Variants in COLEC10 observed in about 807,000 individuals in gnomAD.
COLEC10 encodes collectin subfamily member 10.
COLEC10 carries 22 observed loss-of-function variants against 28.4 expected under a neutral mutation model. The observed-to-expected ratio is 0.78, with a 90% CI of 0.55 to 1.11. The LOEUF (loss-of-function observed/expected upper bound fraction) is 1.11, where lower values mean the gene tolerates loss of function less well. COLEC10 is among the 50% of genes least tolerant of loss of function. The pLI is 0.00. For synonymous variants in COLEC10, 125 were observed against 116.1 expected (o/e 1.08, Z -0.49); for missense variants, 361 against 344.1 (o/e 1.05, Z -0.39).
At chr8:119,057,535 ACTAAT>A (rs1814786002) in intron 2 of COLEC10, among the ~76,000 whole-genome samples, 1 of 152,014 alleles carries the variant, frequency 6.6e-6, no homozygotes, top group Non-Finnish European at 1.5e-5. Context: ...TATTTTCCAC[ACTAAT>A]GACAACTACT....
chr8:118,971,375 T>A, the COLEC10 span, among the ~76,000 whole-genome samples: 2,558 of 152,050 alleles, frequency 0.017, 66 homozygotes, highest in African/African-American at 0.059. Context: ...AGTAACCATA[T>A]CATCTTAGTT....
At chr8:118,969,000 T>C in the COLEC10 span, among the ~76,000 whole-genome samples, 1 of 152,062 alleles carries the variant, frequency 6.6e-6, no homozygotes, top group African/African-American at 2.4e-5. Context: ...AGGTTTCACA[T>C]AATTGATTAC....
intron 2 of COLEC10, among the ~76,000 whole-genome samples, chr8:119,051,799 TAA>T (rs1814680406): frequency 6.6e-6 from 1 of 152,186 alleles, no homozygotes; most frequent in Admixed American, 6.5e-5. Context: ...TGGCAAGCGA[TAA>T]AGTTAAAGAT....
At position 119,106,858 on chromosome 8, in the gene COLEC10, C is replaced by A. The variant is rs2130316086; in HGVS notation, c.*667C>A. On this transcript the variant is annotated 3_prime_UTR_variant, in exon 6 of 6. Coordinates refer to ENST00000332843, the MANE Select transcript of COLEC10 (RefSeq NM_006438.5). ...ATCTATCGATTTCACTAACATATAC[C>A]AAGTAGGTGCTTTGAACCCCTTTCT... Among the ~76,000 whole-genome samples the A allele has an allele frequency of 6.6e-6, 1 of 152,166 alleles. No homozygotes were observed. Among genetic ancestry groups the A allele is most frequent in the South Asian group, 2.1e-4 (1 of 4,820 alleles).
At chr8:118,979,413 T>TA in the COLEC10 span, among the ~76,000 whole-genome samples, 1 of 152,050 alleles carries the variant, frequency 6.6e-6, no homozygotes, top group Non-Finnish European at 1.5e-5. Context: ...AAGTGACTAT[T>TA]ATAGATGTAC....
chr8:119,020,563 C>T (rs1286793001), intron 2 of COLEC10, among the ~76,000 whole-genome samples: 8 of 151,968 alleles, frequency 5.3e-5, no homozygotes, highest in South Asian at 2.1e-4. Context: ...AGTAGTATCC[C>T]GCCAGTTGTG....
At chr8:119,035,742 C>G (rs1486383771) in intron 2 of COLEC10, among the ~76,000 whole-genome samples, 4 of 152,096 alleles carry the variant, frequency 2.6e-5, no homozygotes, top group Non-Finnish European at 5.9e-5. Flanking sequence ...TTTGGGCCTT[C>G]CAGTTATAAT....
chr8:118,973,376 A>G, the COLEC10 span, among the ~76,000 whole-genome samples: 1 of 152,036 alleles, frequency 6.6e-6, no homozygotes, highest in Admixed American at 6.6e-5. Flanking sequence ...GTTTTATCTG[A>G]AGGCATGACT....
chr8:119,008,145 C>T (rs1324805184), intron 1 of COLEC10, among the ~76,000 whole-genome samples: 1 of 150,828 alleles, frequency 6.6e-6, no homozygotes, highest in Non-Finnish European at 1.5e-5. Flanking sequence ...AGTTCAAGAC[C>T]CACACAACTG....
Position 119,008,994 on chromosome 8 carries a change from T to G in COLEC10, n.123-447T>G, listed in dbSNP as rs527904328. ...AAATTCATTTAATACCAACTTAGAA[T>G]TCTTAAACACAAACACATACATTGT... On this transcript the variant is annotated intron_variant and non_coding_transcript_variant, in intron 1 of 6. Coordinates refer to the COLEC10 transcript ENST00000521788. 2.0e-5 allele frequency among the ~76,000 whole-genome samples: 3 copies of G among 150,666 alleles called. No homozygotes were observed. In the South Asian group the frequency reaches 6.2e-4, roughly 31 times the overall value.
chr8:119,065,799 A>C (rs544421595), upstream of COLEC10, among the ~76,000 whole-genome samples: 23 of 151,088 alleles, frequency 1.5e-4, no homozygotes, highest in Admixed American at 5.9e-4. Flanking sequence ...CAGAGGTTGC[A>C]GTGAGCCCAG....
intron 2 of COLEC10, among the ~76,000 whole-genome samples, chr8:119,015,599 T>A (rs530646666): frequency 6.6e-6 from 1 of 151,918 alleles, no homozygotes; most frequent in Non-Finnish European, 1.5e-5. Context: ...CCTGTTGGAG[T>A]TTTTGACCTT....
intron 3 of COLEC10, among the ~76,000 whole-genome samples, chr8:119,093,741 C>T (rs1425982119): frequency 6.6e-6 from 1 of 152,132 alleles, no homozygotes; most frequent in Non-Finnish European, 1.5e-5. Flanking sequence ...TTAATACCAC[C>T]CATGGATGAT....
At chr8:119,057,984 T>A (rs1431651273) in intron 2 of COLEC10, among the ~76,000 whole-genome samples, 1 of 152,066 alleles carries the variant, frequency 6.6e-6, no homozygotes, top group Non-Finnish European at 1.5e-5. Context: ...TTTAGTTGTA[T>A]CTATATTAAT....
chr8:119,102,234 C>A, intron 3 of COLEC10, 114 bp from the exon 4 acceptor site: 2 of 297,206 alleles, frequency 6.7e-6, no homozygotes, highest in Non-Finnish European at 1.3e-5. Flanking sequence ...CTCCCTCCCT[C>A]CCTCCCTCCT....
intron 2 of COLEC10, among the ~76,000 whole-genome samples, chr8:119,029,059 C>G (rs1814242577): frequency 2.0e-5 from 3 of 152,124 alleles, no homozygotes; most frequent in Non-Finnish European, 4.4e-5. Flanking sequence ...GGGGTAAGTC[C>G]TCTCGCAGGG....
the COLEC10 span, among the ~76,000 whole-genome samples, chr8:118,961,456 T>C: frequency 2.0e-4 from 31 of 152,344 alleles, no homozygotes; most frequent in East Asian, 5.8e-3. Context: ...GGTGCCAAGA[T>C]GGAAGAATAC....
chr8:118,996,559 G>A (rs1813593760), intron 1 of COLEC10, among the ~76,000 whole-genome samples: 1 of 152,166 alleles, frequency 6.6e-6, no homozygotes, highest in Non-Finnish European at 1.5e-5. Context: ...TCTAAAAGGT[G>A]TGAGGTGATA....
At chr8:118,976,712 C>T in the COLEC10 span, 1 of 152,090 alleles carries the variant, frequency 6.6e-6, no homozygotes, top group South Asian at 2.1e-4. Flanking sequence ...GTCTAAAACA[C>T]CAAAAGCAAT....
Sources: gnomAD v4.1 joint callset for allele counts (sites outside exome capture counted in the v4.1 genomes callset) on GRCh38, gnomAD v4.1.1 for gene constraint, MANE v1.5 for transcripts, NCBI Gene and HGNC (gene_info 2026-07-23, HGNC 2026-07-21) for gene names.